C2orf74: variants seen among roughly 807,000 people sequenced by gnomAD.
C2orf74 encodes the protein uncharacterized protein C2orf74.
C2orf74 carries 14 observed loss-of-function variants against 17.9 expected under a neutral mutation model. The ratio of observed to expected loss-of-function variants is 0.78; its 90% CI spans 0.52 to 1.22. The LOEUF (loss-of-function observed/expected upper bound fraction) is 1.22. Ranked by LOEUF, C2orf74 falls within the 50% of genes most tolerant of loss-of-function variation. The pLI, the probability that C2orf74 is intolerant of heterozygous loss-of-function variation, is 0.00. For synonymous variants in C2orf74, 79 were observed against 72.6 expected (o/e 1.09, Z -0.44); for missense variants, 217 against 218.4 (o/e 0.99, Z 0.04).
In C2orf74 at chr2:61,162,403, CCT is replaced by C. The variant is rs1405590712; in HGVS notation, c.-99-10_-99-9del. The C allele has an allele frequency of 2.6e-6, 2 of 780,488 alleles. No homozygotes were observed. The highest frequency in any genetic ancestry group is 2.8e-5 in the Admixed American group (1 of 35,106). The allele number at this position is 780,488 out of a possible 1,614,324, so 48.3% of individuals were successfully genotyped here. ...ACAACAAAGAAAACAGCTTTTTATT[CCT>C]CTGTTTCTAGAAAACTTAAAGAACA... is the stretch of plus-strand genomic sequence containing the variant. On this transcript the variant is annotated splice_polypyrimidine_tract_variant and intron_variant, in intron 1 of 4. Coordinates refer to ENST00000432605, the MANE Select transcript of C2orf74 (RefSeq NM_001143959.4).
chr2:61,155,541 G>A (rs1388077537), intron 1 of C2orf74, among the ~76,000 whole-genome samples: 2 of 149,570 alleles, frequency 1.3e-5, no homozygotes, highest in East Asian at 4.1e-4. Flanking sequence ...TTGTTTTTGA[G>A]ACGGAGTCTG....
chr2:61,153,149 C>CAA (rs1166347493), intron 1 of C2orf74, among the ~76,000 whole-genome samples: 46 of 56,146 alleles, frequency 8.2e-4, no homozygotes, highest in African/African-American at 2.0e-3. Context: ...ACTCCGTCTC[C>CAA]AAAAAAAAAA....
At chr2:61,150,933 A>T (rs1685207598) in intron 1 of C2orf74, among the ~76,000 whole-genome samples, 1 of 152,284 alleles carries the variant, frequency 6.6e-6, no homozygotes, top group East Asian at 1.9e-4. Context: ...GGTTAGTTTC[A>T]TATCAAAGGG....
At chr2:61,163,414 G>A (rs1685631409) in intron 4 of C2orf74, among the ~76,000 whole-genome samples, 182 bp downstream of exon 4, 1 of 151,988 alleles carries the variant, frequency 6.6e-6, no homozygotes. Flanking sequence ...GACCAGCCTG[G>A]CCAACATGGT....
In C2orf74 at chr2:61,150,845, G is replaced by T. The variant is rs549006214; in HGVS notation, c.-122+5649G>T. On this transcript the variant is annotated intron_variant, in intron 1 of 3. Transcript: ENST00000426997. Reference sequence around the variant, plus strand: ...TTTGAATAGTTTCAGGGCTCTACTTGGCCTAGGGATGCTGGAGGCAGAGGA... The same window carrying T: ...TTTGAATAGTTTCAGGGCTCTACTTTGCCTAGGGATGCTGGAGGCAGAGGA... 4.4e-4 allele frequency among the ~76,000 whole-genome samples: 67 copies of T among 152,272 alleles called. No homozygotes were observed. The Middle Eastern group carries it at 0.027, about 62-fold the overall frequency.
At chr2:61,153,541 C>A (rs1685302871) in intron 1 of C2orf74, among the ~76,000 whole-genome samples, 1 of 150,938 alleles carries the variant, frequency 6.6e-6, no homozygotes, top group African/African-American at 2.4e-5. Flanking sequence ...CTTGGCCTCC[C>A]AAAGTGCTGG....
intron 4 of C2orf74, 127 bp downstream of exon 4, chr2:61,163,359 A>G (rs2103649901): frequency 9.6e-7 from 1 of 1,044,032 alleles, no homozygotes; most frequent in East Asian, 2.6e-5. Flanking sequence ...CTGTAATCCC[A>G]GCATTTTGGG....
In C2orf74 at chr2:61,163,164, G is replaced by A. The variant is rs562355928; in HGVS notation, c.322G>A (p.Ala108Thr). 44 of 1,552,352 alleles carry A rather than the reference G, an allele frequency of 2.8e-5. No homozygotes were observed. The highest frequency in any genetic ancestry group is 3.9e-5 in the Admixed American group (2 of 51,006). The stretch of plus-strand genomic sequence containing the variant: ...CTTAGAAAACAGAAGGGACATGGAG[G>A]CAGAAGAGGAGAACCAAATAAATGA... ...TPLENRRDME[A>T]EEENQINEKQ... The change falls in exon 4 of 5, where the codon GCA becomes ACA. Residue 108 changes from alanine (A) to threonine (T), a missense_variant. Physicochemically the swap from Ala to Thr is moderately conservative, Grantham distance 58 (BLOSUM62 0). Transcript: ENST00000432605.
At chr2:61,154,827 G>C (rs138286618) in intron 1 of C2orf74, among the ~76,000 whole-genome samples, 4,641 of 152,160 alleles carry the variant, frequency 0.031, 73 homozygotes, top group African/African-American at 0.037. Context: ...GGCCAAGGTA[G>C]GCGGATCGCT....
At chr2:61,147,505 A>G (rs966272045) in intron 1 of C2orf74, among the ~76,000 whole-genome samples, 4 of 152,242 alleles carry the variant, frequency 2.6e-5, no homozygotes, top group Non-Finnish European at 4.4e-5. Flanking sequence ...ACCAGTTCTT[A>G]GAATTGACAG....
chr2:61,154,676 C>T (rs970795254), intron 1 of C2orf74, among the ~76,000 whole-genome samples: 3 of 152,040 alleles, frequency 2.0e-5, no homozygotes, highest in African/African-American at 7.2e-5. Context: ...CAACAGTTAC[C>T]AAAATCTTTA....
chr2:61,155,676 A>C (rs1685370549), intron 1 of C2orf74, among the ~76,000 whole-genome samples: 1 of 151,888 alleles, frequency 6.6e-6, no homozygotes, highest in Non-Finnish European at 1.5e-5. Flanking sequence ...ACCCGCCACC[A>C]TGCCCGGCTG....
Position 61,164,540 on chromosome 2 carries a change from G to C in C2orf74, c.*13G>C. The C allele has an allele frequency of 6.7e-7, 1 of 1,482,064 alleles. No homozygotes were observed. Among genetic ancestry groups the C allele is most frequent in the Non-Finnish European group, 9.0e-7 (1 of 1,114,460 alleles). 91.8% of individuals were successfully genotyped at this position (1,482,064 alleles called of 1,614,324 possible). ...AGAGAGGAAATGAAGCTCAAAAAAG[G>C]GTAAGAGTGAAAGAAAATGTAACGT... is the stretch of plus-strand genomic sequence containing the variant. On this transcript the variant is annotated 3_prime_UTR_variant, in exon 5 of 5. Coordinates refer to ENST00000432605, the MANE Select transcript of C2orf74 (RefSeq NM_001143959.4).
chr2:61,164,470 T>G lies in C2orf74; in HGVS notation c.507T>G (p.Leu169=), dbSNP rs1244312129. ...TFSREVIVVD[L]GNEYPTPRSY... is the part of the protein sequence containing the mutation. The stretch of plus-strand genomic sequence containing the variant: ...CTAGGGAGGTAATTGTTGTGGATCT[T>G]GGGAATGAATACCCTACACCTCGAA... The change falls in exon 5 of 5, where the codon CTT becomes CTG. Residue 169 remains leucine (L), a synonymous_variant. Transcript: ENST00000432605. The G allele has an allele frequency of 1.9e-6, 3 of 1,550,934 alleles. No individual in the cohort carries two copies. The highest frequency in any genetic ancestry group is 1.2e-5 in the South Asian group (1 of 83,918).
rs139070068 is a variant in C2orf74, at chr2:61,152,129, C to G, written c.-122+6933C>G. 4.0e-3 allele frequency: 611 copies of G among 152,472 alleles called. 11 individuals are homozygous for G. Among genetic ancestry groups the G allele is most frequent in the Non-Finnish European group, 2.8e-3 (192 of 68,076 alleles). The allele number at this position is 152,472 out of a possible 1,614,324, so 9.4% of individuals were successfully genotyped here. The stretch of plus-strand genomic sequence containing the variant: ...TTTTCAGAAGGCCATACTTTAAAGG[C>G]TGGGGGTAGAACAACGAGTGGTTTA... On this transcript the variant is annotated intron_variant, in intron 1 of 3. Coordinates refer to the C2orf74 transcript ENST00000426997.
chr2:61,164,413 C>T lies in C2orf74; in HGVS notation c.450C>T (p.Ser150=). ...CTAGAACTCCTTCAGTTGTTGAAAG[C>T]CAAAAAAGACCTTTAAAAGGAGTGA... The part of the protein sequence containing the change: ...SVTRTPSVVE[S]QKRPLKGVTF... The change falls in exon 5 of 5, where the codon AGC becomes AGT. Residue 150 remains serine (S), a synonymous_variant. Coordinates refer to ENST00000432605, the MANE Select transcript of C2orf74 (RefSeq NM_001143959.4). 6.5e-7 allele frequency: 1 copy of T among 1,549,918 alleles called. No individual in the cohort carries two copies. The highest frequency in any genetic ancestry group is 2.4e-5 in the East Asian group (1 of 40,960).
Position 61,163,067 on chromosome 2 carries a change from C to G in C2orf74, c.225C>G (p.Val75=). Residue 75 remains valine (V), a synonymous_variant, in exon 4 of 5, where the codon GTC becomes GTG. Transcript: ENST00000432605. ...AATTTTCTAGGATCTTAATGCAAGTCATGAACTTGAATGTGCCGATGAGGC... is the reference window on the plus strand; with the variant it reads ...AATTTTCTAGGATCTTAATGCAAGTGATGAACTTGAATGTGCCGATGAGGC... ...PEDHERILMQ[V]MNLNVPMRPG... is the part of the protein sequence containing the mutation. 1 of 1,552,044 alleles carries G rather than the reference C, an allele frequency of 6.4e-7. No individual in the cohort carries two copies. The highest frequency in any genetic ancestry group is 2.0e-5 in the Admixed American group (1 of 50,976).
chr2:61,162,540 CT>C lies in C2orf74; in HGVS notation c.29del (p.Phe10SerfsTer6), dbSNP rs1559189966. The C allele has an allele frequency of 1.3e-6, 2 of 1,551,730 alleles. No individual in the cohort carries two copies. The highest frequency in any genetic ancestry group is 2.7e-5 in the African/African-American group (2 of 73,166). ...ATGAGCTTTGAAACCACAGCAATCA[CT>C]TTCTTCATCATCCTTCTAATTTGCC... MSFETTAI[T>X]FFIILLICLI... On this transcript the variant is annotated frameshift_variant, in exon 2 of 5. Transcript: ENST00000432605. LOFTEE classifies it high-confidence loss of function.
chr2:61,157,083 T>C (rs1409857886), intron 1 of C2orf74, among the ~76,000 whole-genome samples: 2 of 152,210 alleles, frequency 1.3e-5, no homozygotes, highest in Non-Finnish European at 2.9e-5. Context: ...TCGCCCAGGC[T>C]GGAGTGCAGT....
Sources: gnomAD v4.1 joint callset for allele counts (sites outside exome capture counted in the v4.1 genomes callset) on GRCh38, gnomAD v4.1.1 for gene constraint, MANE v1.5 for transcripts, NCBI Gene and HGNC (gene_info 2026-07-23, HGNC 2026-07-21) for gene names.